Variants in PXT1 observed in about 807,000 individuals in gnomAD.
The protein encoded by PXT1 is peroxisomal testis enriched protein 1, also known as peroxisomal testis-specific protein 1.
PXT1 carries 11 observed loss-of-function variants against 11.0 expected under a neutral mutation model. That is an observed-to-expected ratio of 1.00 (90% CI 0.63 to 1.66). PXT1 has a LOEUF of 1.66. PXT1 is among the 40% of genes most tolerant of loss of function. The pLI is 0.00. For missense variants in PXT1, 141 were observed against 155.5 expected, an observed-to-expected ratio of 0.91 and a Z score of 0.49; for synonymous variants, 43 against 51.4, an observed-to-expected ratio of 0.84 and a Z score of 0.70.
chr6:36,409,868 G>GGAAGGAAGGAAAAAA (rs1774341501), intron 3 of PXT1, among the ~76,000 whole-genome samples: 1 of 71,018 alleles, frequency 1.4e-5, no homozygotes, highest in African/African-American at 5.6e-5. Flanking sequence ...GAAGGAGAAA[G>GGAAGGAAGGAAAAAA]AAAAGAAAAG....
intron 3 of PXT1, among the ~76,000 whole-genome samples, chr6:36,407,722 ATTAAAGGTATAGCCTAT>A (rs1461178319): frequency 3.6e-4 from 54 of 152,080 alleles, no homozygotes; most frequent in African/African-American, 1.3e-3. Context: ...AGGTCCTTGT[ATTAAAGGTATAGCCTAT>A]TTAAAGGTAT....
chr6:36,401,873 ATATATAT>A (rs1774219653), intron 3 of PXT1, among the ~76,000 whole-genome samples: 2 of 148,802 alleles, frequency 1.3e-5, no homozygotes, highest in African/African-American at 2.4e-5. Flanking sequence ...TATATATAAC[ATATATAT>A]TATATATGTG....
chr6:36,418,295 C>T (rs79174994), intron 3 of PXT1, among the ~76,000 whole-genome samples: 166 of 152,236 alleles, frequency 1.1e-3, no homozygotes, highest in Middle Eastern at 6.8e-3. Context: ...TTCTAACATG[C>T]ACCCAGGGTT....
At position 36,436,542 on chromosome 6, in the gene PXT1, A is replaced by G. The variant is rs201005541; in HGVS notation, c.-10+2225T>C. On this transcript the variant is annotated intron_variant, in intron 2 of 4. Coordinates refer to ENST00000454782, the MANE Select transcript of PXT1 (RefSeq NM_152990.4). ...AGTTACTAAACCAGAGAGCACCAGC[A>G]CGGAATTAACATTTTGCCTTGTTTG... Among the ~76,000 whole-genome samples, 5 of 152,358 alleles carry G rather than the reference A, an allele frequency of 3.3e-5. No individual in the cohort carries two copies. The East Asian group carries it at 9.6e-4, about 29-fold the overall frequency.
chr6:36,441,647 G>T (rs1774868243), intron 1 of PXT1, among the ~76,000 whole-genome samples: 1 of 152,294 alleles, frequency 6.6e-6, no homozygotes, highest in South Asian at 2.1e-4. Flanking sequence ...TACAGATGAC[G>T]AGTGCAGCCT....
At chr6:36,429,716 G>A (rs1774665165) in intron 2 of PXT1, among the ~76,000 whole-genome samples, 1 of 150,816 alleles carries the variant, frequency 6.6e-6, no homozygotes, top group African/African-American at 2.4e-5. Flanking sequence ...TGTTGGCCAT[G>A]CTGGTCTCGA....
At chr6:36,436,305 T>G (rs1483288207) in intron 2 of PXT1, among the ~76,000 whole-genome samples, 1 of 152,214 alleles carries the variant, frequency 6.6e-6, no homozygotes, top group African/African-American at 2.4e-5. Flanking sequence ...AAGATCACTT[T>G]GGCTACTGGA....
At chr6:36,422,701 G>C (rs1774539695) in intron 3 of PXT1, among the ~76,000 whole-genome samples, 1 of 152,016 alleles carries the variant, frequency 6.6e-6, no homozygotes, top group East Asian at 1.9e-4. Flanking sequence ...GAGCCATCGA[G>C]GCAAAAAATT....
At chr6:36,439,304 C>T (rs1774820354) in intron 1 of PXT1, among the ~76,000 whole-genome samples, 1 of 151,078 alleles carries the variant, frequency 6.6e-6, no homozygotes, top group African/African-American at 2.4e-5. Context: ...TTTCCAAATG[C>T]AGTTTATTTA....
intron 3 of PXT1, among the ~76,000 whole-genome samples, chr6:36,410,329 A>G (rs913774560): frequency 2.6e-5 from 4 of 152,134 alleles, no homozygotes; most frequent in Admixed American, 6.6e-5. Flanking sequence ...GCATGCCTGT[A>G]ATCTCAGCTA....
intron 3 of PXT1, among the ~76,000 whole-genome samples, chr6:36,405,733 T>C (rs1244197037): frequency 1.3e-5 from 2 of 152,226 alleles, no homozygotes. Context: ...CAACTTTCAG[T>C]CCTGCAGGCT....
intron 2 of PXT1, among the ~76,000 whole-genome samples, chr6:36,426,613 G>T (rs545691782): frequency 7.9e-5 from 12 of 151,892 alleles, no homozygotes; most frequent in Non-Finnish European, 1.3e-4. Context: ...CAGGTGATCC[G>T]CCTGCCTCAG....
Position 36,418,065 on chromosome 6 carries a change from G to A in PXT1, c.169+7849C>T, listed in dbSNP as rs140377127. Among the ~76,000 whole-genome samples, 1,254 of 152,086 alleles carry A rather than the reference G, an allele frequency of 8.2e-3. 16 individuals carry two copies. The highest frequency in any genetic ancestry group is 0.029 in the African/African-American group (1,197 of 41,498). ...TAAAAAATTAGCCGGGCGTGGTGGC[G>A]GGCGCCTGTGGTCCCAGCTACTTGG... On this transcript the variant is annotated intron_variant, in intron 3 of 4. Transcript: ENST00000454782.
At chr6:36,416,354 C>G (rs1337254785) in intron 3 of PXT1, among the ~76,000 whole-genome samples, 2 of 152,032 alleles carry the variant, frequency 1.3e-5, no homozygotes, top group Non-Finnish European at 2.9e-5. Flanking sequence ...GACCCTATCT[C>G]TAAAAAGAAT....
At chr6:36,434,175 A>G (rs1774732126) in intron 2 of PXT1, among the ~76,000 whole-genome samples, 1 of 151,956 alleles carries the variant, frequency 6.6e-6, no homozygotes, top group Non-Finnish European at 1.5e-5. Context: ...CTAAAAAAAA[A>G]GAAAAAGAAA....
intron 2 of PXT1, among the ~76,000 whole-genome samples, chr6:36,428,765 G>A (rs1377681536): frequency 6.7e-6 from 1 of 150,038 alleles, no homozygotes; most frequent in Non-Finnish European, 1.5e-5. Context: ...TTTTTGAGAC[G>A]GAGTCTCTCG....
intron 3 of PXT1, among the ~76,000 whole-genome samples, chr6:36,413,426 A>C (rs1485119710): frequency 2.1e-5 from 1 of 47,930 alleles, no homozygotes; most frequent in Non-Finnish European, 6.8e-5. Context: ...CAAAAAAAAT[A>C]AGAAAGAAAG....
In PXT1 at chr6:36,390,636, T is replaced by A. The variant is rs1024806060; in HGVS notation, c.*1134A>T. 6.6e-6 allele frequency: 1 copy of A among 152,252 alleles called. No individual in the cohort carries two copies. 9.4% of individuals were successfully genotyped at this position (152,252 alleles called of 1,614,324 possible). On this transcript the variant is annotated 3_prime_UTR_variant, in exon 5 of 5. Coordinates refer to ENST00000454782, the MANE Select transcript of PXT1 (RefSeq NM_152990.4). ...TCCCCTATGAAGAACTCAAGATACA[T>A]ATGTAAACTTTTAATTTATAACAAC...
At chr6:36,438,313 CAA>C (rs1435723829) in intron 2 of PXT1, among the ~76,000 whole-genome samples, 1 of 152,134 alleles carries the variant, frequency 6.6e-6, no homozygotes, top group Non-Finnish European at 1.5e-5. Context: ...CATATAATGA[CAA>C]AGAGTAATAT....
Sources: gnomAD v4.1 joint callset for allele counts (sites outside exome capture counted in the v4.1 genomes callset) on GRCh38, gnomAD v4.1.1 for gene constraint, MANE v1.5 for transcripts, NCBI Gene and HGNC (gene_info 2026-07-23, HGNC 2026-07-21) for gene names.